The following XPO7 variants were observed in gnomAD, a reference collection of about 807,000 sequenced individuals.
XPO7 encodes exportin 7.
XPO7 carries 21 observed loss-of-function variants against 144.3 expected under a neutral mutation model. The observed-to-expected ratio is 0.15, with a 90% CI of 0.10 to 0.21. The LOEUF is 0.21. XPO7 is among the 10% of genes least tolerant of loss of function. The pLI, the probability that XPO7 is intolerant of heterozygous loss-of-function variation, is 1.00. For missense variants in XPO7, 808 were observed against 1,325.8 expected (o/e 0.61, Z 6.06); for synonymous variants, 580 against 499.6 (o/e 1.16, Z -2.15).
At chr8:21,954,056 A>G (rs1314588948) in intron 1 of XPO7, among the ~76,000 whole-genome samples, 3 of 152,226 alleles carry the variant, frequency 2.0e-5, no homozygotes, top group Non-Finnish European at 4.4e-5. Flanking sequence ...ACTGGGGAAG[A>G]TAATTCTCTG....
intron 3 of XPO7, chr8:21,969,841 A>G (rs1811995567): frequency 1.8e-6 from 1 of 543,710 alleles, no homozygotes; most frequent in South Asian, 2.5e-5. Flanking sequence ...AATAACTAAG[A>G]AAAACATTGT....
rs930520704 is a variant in XPO7 at position 21,990,549 on chromosome 8, T to G, written c.1932+142T>G. On this transcript the variant is annotated intron_variant, in intron 17 of 27. Coordinates refer to ENST00000252512, the MANE Select transcript of XPO7 (RefSeq NM_015024.5). ...TCCTGATTCCCACGATACTGCCAGA[T>G]TATACTTACGTCATCAGAGTGGCTC... The G allele has an allele frequency of 1.9e-5, 18 of 966,430 alleles. No homozygotes were observed. In the Admixed American group the frequency reaches 3.7e-4, roughly 20 times the overall value. 59.9% of individuals were successfully genotyped at this position (966,430 alleles called of 1,614,324 possible). A position where few individuals can be genotyped will look rare whatever the true frequency, so the allele number is the denominator to read the frequency against.
intron 8 of XPO7, among the ~76,000 whole-genome samples, chr8:21,978,552 G>A (rs973519746): frequency 6.6e-6 from 1 of 152,172 alleles, no homozygotes; most frequent in Non-Finnish European, 1.5e-5. Flanking sequence ...CAGTGTTGTC[G>A]GGTGTATCGT....
chr8:21,951,808 A>G (rs144663810), intron 1 of XPO7, among the ~76,000 whole-genome samples: 373 of 147,168 alleles, frequency 2.5e-3, no homozygotes, highest in Non-Finnish European at 3.8e-3. Context: ...TATGAAGAGT[A>G]TGTATGGTAC....
In XPO7 at chr8:21,961,929, C is replaced by T. The variant is rs546317759; in HGVS notation, c.19-4928C>T. Among the ~76,000 whole-genome samples, 6 of 152,368 alleles carry T rather than the reference C, an allele frequency of 3.9e-5. No homozygotes were observed. In the East Asian group the frequency reaches 1.2e-3, roughly 29 times the overall value. On this transcript the variant is annotated intron_variant, in intron 1 of 27. Transcript: ENST00000252512. The stretch of plus-strand genomic sequence containing the variant: ...CTGCCCGCCTGAGCCTCCCAAAGTG[C>T]TGGGATTACAGGCATGAGCCACCAC...
Position 22,005,187 on chromosome 8 carries a change from T to G in XPO7, c.*99T>G. On this transcript the variant is annotated 3_prime_UTR_variant, in exon 28 of 28. Transcript: ENST00000252512. ...AGAGGGCCTGGCTGATCCTGGCTCT[T>G]TTCTCCAGGGGTGTGGGGAAAATGG... is the stretch of plus-strand genomic sequence containing the variant. The G allele has an allele frequency of 9.7e-7, 1 of 1,027,688 alleles. No individual in the cohort carries two copies. Among genetic ancestry groups the G allele is most frequent in the Non-Finnish European group, 1.4e-6 (1 of 709,412 alleles). 63.7% of individuals were successfully genotyped at this position (1,027,688 alleles called of 1,614,324 possible).
chr8:21,928,545 C>G (rs1052018906), intron 1 of XPO7, among the ~76,000 whole-genome samples: 1 of 152,158 alleles, frequency 6.6e-6, no homozygotes, highest in Admixed American at 6.5e-5. Flanking sequence ...TTCATAACTT[C>G]GCCAACATTT....
intron 4 of XPO7, among the ~76,000 whole-genome samples, chr8:21,971,653 G>A (rs1302006040): frequency 6.6e-6 from 1 of 152,062 alleles, no homozygotes; most frequent in Non-Finnish European, 1.5e-5. Context: ...TAATGTAAAA[G>A]TTTTAAATTT....
In XPO7 at chr8:21,995,519, A is replaced by T; in HGVS notation, c.2265A>T (p.Gln755His). 1 of 1,609,880 alleles carries T rather than the reference A, an allele frequency of 6.2e-7. No homozygotes were observed. The highest frequency in any genetic ancestry group is 8.5e-7 in the Non-Finnish European group (1 of 1,178,000). ...WIYPSYMPIL[Q>H]RAIELWYHDP... Reference sequence around the variant, plus strand: ...ATCCATCCTATATGCCAATTCTCCAACGGGCAATTGAGCTCTGGTACCATG... The same window carrying T: ...ATCCATCCTATATGCCAATTCTCCATCGGGCAATTGAGCTCTGGTACCATG... Residue 755 changes from glutamine (Q) to histidine (H), a missense_variant, in exon 21 of 28, where the codon CAA becomes CAT. Physicochemically the swap from Gln to His is conservative, Grantham distance 24 (BLOSUM62 0). This residue lies in a region of XPO7 where 416 missense variants were observed against 612.5 expected (regional missense o/e 0.68). Transcript: ENST00000252512.
rs758067680 is a variant in XPO7, at chr8:22,002,291, A to G, written c.2943+19A>G. On this transcript the variant is annotated intron_variant, in intron 25 of 27. Coordinates refer to ENST00000252512, the MANE Select transcript of XPO7 (RefSeq NM_015024.5). ...CCAGCAGGTAAGAAAGTGGAGGCTT[A>G]GGAGGCAGTGATGGGGTGTCCGACA... 17 of 1,609,192 alleles carry G rather than the reference A, an allele frequency of 1.1e-5. No homozygotes were observed. In the East Asian group the frequency reaches 3.8e-4, roughly 36 times the overall value.
rs1390262223 is a variant in XPO7, at chr8:22,002,199, G to A, written c.2870G>A (p.Arg957Lys). The change falls in exon 25 of 28, where the codon AGG (arginine) becomes AAG (lysine). Residue 957 changes from arginine to lysine, a missense_variant. Transcript: ENST00000252512. ...CAGCTGTCACGTAGCACCAAGAAGA[G>A]GACCACACCCCTGAACCAGGAGAGC... The part of the protein sequence containing the change: ...FKQLSRSTKK[R>K]TTPLNQESDR... 1.9e-6 allele frequency: 3 copies of A among 1,613,310 alleles called. No homozygotes were observed. The African/African-American group carries it at 4.0e-5, about 22-fold the overall frequency.
At chr8:21,970,458 G>T in intron 4 of XPO7, 148 bp downstream of exon 4, 2 of 912,698 alleles carry the variant, frequency 2.2e-6, no homozygotes, top group Non-Finnish European at 3.0e-6. Context: ...ATTCTCTTCT[G>T]CATGTTTTTT....
At chr8:21,970,413 T>C (rs1254594855) in intron 4 of XPO7, 103 bp downstream of exon 4, 1 of 1,151,026 alleles carries the variant, frequency 8.7e-7, no homozygotes, top group Non-Finnish European at 1.2e-6. Context: ...CTTATCTACT[T>C]TTTAAACATG....
chr8:21,924,332 T>C (rs1280204315), intron 1 of XPO7, among the ~76,000 whole-genome samples: 3 of 152,170 alleles, frequency 2.0e-5, no homozygotes, highest in African/African-American at 7.2e-5. Context: ...TGTGTTCAGC[T>C]TGATGAATTT....
Position 21,989,092 on chromosome 8 carries a change from T to C in XPO7, c.1868+9T>C. The C allele has an allele frequency of 1.2e-6, 2 of 1,612,506 alleles. No individual in the cohort carries two copies. Among genetic ancestry groups the C allele is most frequent in the Non-Finnish European group, 1.7e-6 (2 of 1,178,930 alleles). On this transcript the variant is annotated intron_variant, in intron 16 of 27. Transcript: ENST00000252512. ...AATGACCTGTCCATTGGATATCCTTTTCTAAGCTAACTTCTGTGCACAACA... is the reference window on the plus strand; with the variant it reads ...AATGACCTGTCCATTGGATATCCTTCTCTAAGCTAACTTCTGTGCACAACA...
rs1006453917 is a variant in XPO7, at chr8:21,998,824, G to T, written c.2415G>T (p.Met805Ile). Residue 805 changes from methionine (M) to isoleucine (I), a missense_variant, in exon 22 of 28, where the codon ATG (methionine) becomes ATT (isoleucine). Around this residue, in one of 5 missense-constraint regions of XPO7, gnomAD observed 416 missense variants for 612.5 expected, o/e 0.68. Transcript: ENST00000252512. ...GILLFRETSK[M>I]ITMYGNRILT... ...TACTCTTCCGAGAAACCAGCAAGAT[G>T]ATAACAATGTATGGTAAGTGCTTCA... is the stretch of plus-strand genomic sequence containing the variant. 1.2e-6 allele frequency: 2 copies of T among 1,613,844 alleles called. No individual in the cohort carries two copies. Among genetic ancestry groups the T allele is most frequent in the African/African-American group, 2.7e-5 (2 of 74,928 alleles).
At chr8:21,953,706 A>T (rs1811446729) in intron 1 of XPO7, among the ~76,000 whole-genome samples, 1 of 152,202 alleles carries the variant, frequency 6.6e-6, no homozygotes, top group South Asian at 2.1e-4. Context: ...AGCCATTCTA[A>T]TAGGTGTGTA....
chr8:21,964,989 G>A (rs1200527180), intron 1 of XPO7, among the ~76,000 whole-genome samples: 1 of 152,200 alleles, frequency 6.6e-6, no homozygotes, highest in Non-Finnish European at 1.5e-5. Flanking sequence ...CAGGATGTTG[G>A]AAAGCTCAAA....
At chr8:21,939,108 CTTCTA>C (rs920276422) in intron 1 of XPO7, among the ~76,000 whole-genome samples, 2 of 151,712 alleles carry the variant, frequency 1.3e-5, no homozygotes, top group African/African-American at 4.8e-5. Flanking sequence ...GTTTTTAGCT[CTTCTA>C]TTCTTATTTT....
Sources: gnomAD v4.1 joint callset for allele counts (sites outside exome capture counted in the v4.1 genomes callset) on GRCh38, gnomAD v4.1.1 for gene constraint, gnomAD v4.1.1 regional missense constraint, MANE v1.5 for transcripts, NCBI Gene and HGNC (gene_info 2026-07-23, HGNC 2026-07-21) for gene names.